The following ARSG variants were observed in gnomAD, a reference collection of about 807,000 sequenced individuals.
ARSG encodes ASG.
A neutral mutation model predicts 50.5 loss-of-function variants in ARSG; 37 were observed. The observed-to-expected ratio is 0.73, with a 90% CI of 0.56 to 0.96. The LOEUF (loss-of-function observed/expected upper bound fraction) is 0.96, where lower values mean the gene tolerates loss of function less well. ARSG is among the 50% of genes least tolerant of loss of function. ARSG has a pLI of 0.00. For missense variants in ARSG, 629 were observed against 675.3 expected (o/e 0.93, Z 0.76); for synonymous variants, 225 against 254.6 (o/e 0.88, Z 1.11).
chr17:68,317,033 G>C (rs1035557546), intron 2 of ARSG, among the ~76,000 whole-genome samples: 1 of 152,052 alleles, frequency 6.6e-6, no homozygotes, highest in Non-Finnish European at 1.5e-5. Flanking sequence ...CAGCGCACAC[G>C]ATTCGTTTTT....
chr17:68,351,686 G>A lies in ARSG; in HGVS notation c.566G>A (p.Arg189Lys). The change falls in exon 5 of 12, where the codon AGG (arginine) becomes AAG (lysine). Residue 189 changes from arginine to lysine, a missense_variant and splice_region_variant. By Grantham distance (26) the Arg-to-Lys change is conservative. Coordinates refer to ENST00000621439, the MANE Select transcript of ARSG (RefSeq NM_001267727.2). ...TGTCCACAGGGTGATGGACCATCAAGGTAATGCTGTCTGACACATTTGCGA... is the reference window on the plus strand; with the variant it reads ...TGTCCACAGGGTGATGGACCATCAAAGTAATGCTGTCTGACACATTTGCGA... ...PACPQGDGPS[R>K]NLQRDCYTDV... is the part of the protein sequence containing the mutation. The A allele has an allele frequency of 1.2e-6, 2 of 1,600,870 alleles. No individual in the cohort carries two copies. The highest frequency in any genetic ancestry group is 2.2e-5 in the East Asian group (1 of 44,798).
intron 2 of ARSG, among the ~76,000 whole-genome samples, chr17:68,330,978 C>CT (rs1337559665): frequency 1.5e-5 from 1 of 65,794 alleles, no homozygotes. Flanking sequence ...TTTTTTTTTG[C>CT]GGGGGGGGGG....
intron 6 of ARSG, among the ~76,000 whole-genome samples, chr17:68,358,220 AAAAAT>A (rs1452297557): frequency 6.6e-6 from 1 of 151,390 alleles, no homozygotes; most frequent in South Asian, 2.1e-4. Flanking sequence ...ATATAAAATG[AAAAAT>A]AAAATAAAAT....
chr17:68,408,624 C>T (rs189345994), intron 11 of ARSG, among the ~76,000 whole-genome samples: 192 of 152,196 alleles, frequency 1.3e-3, no homozygotes, highest in Middle Eastern at 3.4e-3. Flanking sequence ...ATTTATAGTC[C>T]TTTGGGTATA....
intron 11 of ARSG, chr17:68,413,961 T>C (rs150829503): frequency 0.021 from 3,203 of 155,118 alleles, 123 homozygotes; most frequent in African/African-American, 0.072. Flanking sequence ...CAATGCCTCG[T>C]CCTGCTTCGG....
intron 1 of ARSG, chr17:68,270,933 C>T (rs782228043): frequency 1.2e-6 from 2 of 1,614,234 alleles, no homozygotes; most frequent in Non-Finnish European, 1.7e-6. Flanking sequence ...CGACATCATC[C>T]TCAGCAAGCA....
rs982853008 is a variant in ARSG at position 68,378,950 on chromosome 17, G to T, written c.983-6114G>T. ...GGGGTCGGGGGTGGGGCGGGGAAAA[G>T]TCAGAGGTGCTGTGAGGTGACAGAG... On this transcript the variant is annotated intron_variant, in intron 8 of 11. Transcript: ENST00000621439. The surrounding 1 kb of genome is among the most constrained non-coding windows in gnomAD (Gnocchi z 4.4). 6.6e-5 allele frequency among the ~76,000 whole-genome samples: 10 copies of T among 152,206 alleles called. No homozygotes were observed. Among genetic ancestry groups the T allele is most frequent in the Admixed American group, 1.3e-4 (2 of 15,284 alleles).
intron 1 of ARSG, among the ~76,000 whole-genome samples, chr17:68,306,653 G>A (rs2076620888): frequency 6.6e-6 from 1 of 152,148 alleles, no homozygotes. Context: ...AGCAGCATTG[G>A]GGGCTGGTCC....
At chr17:68,264,856 T>C (rs1239658245) in intron 1 of ARSG, among the ~76,000 whole-genome samples, 1 of 151,540 alleles carries the variant, frequency 6.6e-6, no homozygotes, top group Non-Finnish European at 1.5e-5. Flanking sequence ...TCAGGGGAAA[T>C]GAAAACATAA....
chr17:68,407,731 G>A (rs572079478), intron 11 of ARSG, among the ~76,000 whole-genome samples: 2 of 152,006 alleles, frequency 1.3e-5, no homozygotes, highest in East Asian at 3.9e-4. Flanking sequence ...GCTGAATTCT[G>A]TTATCAGTTC....
At chr17:68,393,974 G>A (rs1033864081) in intron 9 of ARSG, among the ~76,000 whole-genome samples, 4 of 150,616 alleles carry the variant, frequency 2.7e-5, no homozygotes, top group African/African-American at 9.8e-5. Context: ...GTTTTTTTTG[G>A]TAGAGATGGG....
intron 11 of ARSG, among the ~76,000 whole-genome samples, chr17:68,412,480 C>G (rs1232240358): frequency 6.6e-6 from 1 of 152,142 alleles, no homozygotes; most frequent in African/African-American, 2.4e-5. Flanking sequence ...GAGTTTCTGC[C>G]GAAAGATCCA....
At chr17:68,347,282 G>A in intron 4 of ARSG, 110 bp downstream of exon 4, 2 of 1,272,902 alleles carry the variant, frequency 1.6e-6, no homozygotes, top group South Asian at 1.2e-5. Flanking sequence ...CCCTAAGTTA[G>A]GACATCTTTG....
intron 8 of ARSG, among the ~76,000 whole-genome samples, chr17:68,375,962 G>A (rs1369971276): frequency 1.3e-5 from 2 of 152,154 alleles, no homozygotes; most frequent in East Asian, 3.8e-4. Flanking sequence ...AAATATGGAG[G>A]TGAAATTTAC....
At chr17:68,364,035 C>G (rs899809431) in intron 6 of ARSG, among the ~76,000 whole-genome samples, 1 of 152,146 alleles carries the variant, frequency 6.6e-6, no homozygotes, top group Non-Finnish European at 1.5e-5. Context: ...CTCCCTCCAC[C>G]CAGGCACCAT....
chr17:68,437,005 A>AAGTATATAT, the ARSG span, among the ~76,000 whole-genome samples: 1 of 107,192 alleles, frequency 9.3e-6, no homozygotes, highest in Non-Finnish European at 2.1e-5. Context: ...AAAAAAAAAA[A>AAGTATATAT]ATATATATAT....
the ARSG span, among the ~76,000 whole-genome samples, chr17:68,443,627 TC>T: frequency 6.6e-6 from 1 of 152,148 alleles, no homozygotes; most frequent in Admixed American, 6.5e-5. Context: ...GAACCAAGGT[TC>T]AAAAAGTCTA....
intron 1 of ARSG, among the ~76,000 whole-genome samples, chr17:68,303,664 G>T (rs2076503369): frequency 6.6e-6 from 1 of 151,862 alleles, no homozygotes; most frequent in African/African-American, 2.4e-5. Flanking sequence ...TGACCAGGCT[G>T]GTCTTGAACT....
intron 2 of ARSG, among the ~76,000 whole-genome samples, chr17:68,342,017 G>A (rs565611722): frequency 1.3e-5 from 2 of 151,770 alleles, no homozygotes; most frequent in Admixed American, 6.6e-5. Context: ...ATGGGGTTTC[G>A]CCATGTTGGC....
Sources: allele counts gnomAD v4.1 joint callset (sites outside exome capture counted in the v4.1 genomes callset), GRCh38; gene constraint gnomAD v4.1.1; non-coding constraint Gnocchi (gnomAD v3.1); transcripts MANE v1.5; gene names NCBI Gene and HGNC (gene_info 2026-07-23, HGNC 2026-07-21).